Variants in CYYR1 observed in about 807,000 individuals in gnomAD.
CYYR1 encodes cysteine and tyrosine rich 1.
Under a neutral mutation model 15.2 loss-of-function variants are expected in CYYR1, and 14 were observed. The observed-to-expected ratio is 0.92, with a 90% CI of 0.61 to 1.44. The LOEUF (loss-of-function observed/expected upper bound fraction) is 1.44, where lower values mean the gene tolerates loss of function less well. Among genes scored for constraint, CYYR1 ranks in the 40% most tolerant of loss-of-function variants. The probability of loss-of-function intolerance (pLI) is 0.00; values close to 1 mark genes in which losing one functional copy is unlikely to be tolerated. For missense variants in CYYR1, 228 were observed against 209.5 expected (o/e 1.09, Z -0.54); for synonymous variants, 80 against 77.4 (o/e 1.03, Z -0.18).
chr21:26,565,945 CTGA>C (rs1426414369), intron 2 of CYYR1, among the ~76,000 whole-genome samples: 1 of 152,088 alleles, frequency 6.6e-6, no homozygotes, highest in Non-Finnish European at 1.5e-5. Context: ...AACCATATCA[CTGA>C]TGATGTTATA....
chr21:26,503,045 C>T (rs1008780036), intron 2 of CYYR1, among the ~76,000 whole-genome samples: 1 of 152,240 alleles, frequency 6.6e-6, no homozygotes, highest in East Asian at 1.9e-4. Context: ...GTAGATGGAA[C>T]TCATGGTGGC....
chr21:26,527,466 C>G (rs545763676), intron 2 of CYYR1, among the ~76,000 whole-genome samples: 1 of 151,860 alleles, frequency 6.6e-6, no homozygotes, highest in South Asian at 2.1e-4. Flanking sequence ...GGTTAGAAAG[C>G]CAACAAAAAA....
At chr21:26,470,976 T>C (rs1340474003) in intron 3 of CYYR1, 1 of 152,202 alleles carries the variant, frequency 6.6e-6, no homozygotes, top group Non-Finnish European at 1.5e-5. Context: ...GCTCTGTAAA[T>C]ACATCAGCGA....
intron 3 of CYYR1, among the ~76,000 whole-genome samples, chr21:26,474,053 T>G (rs1251942798): frequency 2.0e-5 from 3 of 150,038 alleles, no homozygotes; most frequent in Admixed American, 6.6e-5. Context: ...TTTTCGTTTT[T>G]TTTTTTTTTT....
chr21:26,520,115 TATATATA>T (rs2065784521), intron 2 of CYYR1, among the ~76,000 whole-genome samples: 1 of 40,484 alleles, frequency 2.5e-5, no homozygotes, highest in Non-Finnish European at 5.2e-5. Context: ...ACCCAGGAGA[TATATATA>T]TATATATATA....
In CYYR1 at chr21:26,500,442, G is replaced by A. The variant is rs116386348; in HGVS notation, c.177-20013C>T. On this transcript the variant is annotated intron_variant, in intron 2 of 3. Coordinates refer to ENST00000652641, the MANE Select transcript of CYYR1 (RefSeq NM_001320768.2). Reference sequence around the variant, plus strand: ...AGGAGAGTCTGAGTCTTTGTGGAGCGGATGATGGAAGGCCAGGAAGTGGTG... The same window carrying A: ...AGGAGAGTCTGAGTCTTTGTGGAGCAGATGATGGAAGGCCAGGAAGTGGTG... 3.9e-3 allele frequency among the ~76,000 whole-genome samples: 595 copies of A among 152,236 alleles called. 2 individuals are homozygous for A. The highest frequency in any genetic ancestry group is 0.013 in the African/African-American group (545 of 41,548).
At chr21:26,496,293 G>A (rs2065402747) in intron 2 of CYYR1, among the ~76,000 whole-genome samples, 1 of 152,162 alleles carries the variant, frequency 6.6e-6, no homozygotes, top group South Asian at 2.1e-4. Context: ...AATTGGGTTA[G>A]GAAGCCTAGG....
chr21:26,504,524 T>G (rs1453029477), intron 2 of CYYR1, among the ~76,000 whole-genome samples: 5 of 152,196 alleles, frequency 3.3e-5, no homozygotes, highest in Non-Finnish European at 7.3e-5. Context: ...TAAAAATTTT[T>G]TGTGAGTACA....
rs923993775 is a variant in CYYR1 at position 26,563,610 on chromosome 21, G to C, written c.176+2656C>G. On this transcript the variant is annotated intron_variant, in intron 2 of 3. Transcript: ENST00000652641. ...TAAATACAATAAATAAAAAAGGAGAGCAAACTGAAAAAAATAAGACTTTTC... is the reference window on the plus strand; with the variant it reads ...TAAATACAATAAATAAAAAAGGAGACCAAACTGAAAAAAATAAGACTTTTC... Among the ~76,000 whole-genome samples the C allele has an allele frequency of 2.5e-5, 3 of 121,986 alleles. No homozygotes were observed. In the Admixed American group the frequency reaches 2.6e-4, roughly 10 times the overall value. 80.0% of individuals were successfully genotyped at this position (121,986 alleles called of 152,430 possible).
At chr21:26,517,114 C>CA (rs61352955) in intron 2 of CYYR1, among the ~76,000 whole-genome samples, 2,090 of 46,654 alleles carry the variant, frequency 0.045, 376 homozygotes, top group East Asian at 0.13. Flanking sequence ...GACTCCGTCT[C>CA]AAAAAAAAAA....
In CYYR1 at chr21:26,573,065, C is replaced by A; in HGVS notation, c.-125G>T. ...GAGCCGGGTGGAGCAGAGACCCGGCCATTGCCTAGGGAGCCTTCCAAGGGA... is the reference window on the plus strand; with the variant it reads ...GAGCCGGGTGGAGCAGAGACCCGGCAATTGCCTAGGGAGCCTTCCAAGGGA... On this transcript the variant is annotated 5_prime_UTR_variant, in exon 1 of 4. It removes an upstream start codon present in the reference 5' UTR. Transcript: ENST00000652641. The A allele has an allele frequency of 1.9e-6, 3 of 1,562,904 alleles. No homozygotes were observed. The highest frequency in any genetic ancestry group is 2.6e-6 in the Non-Finnish European group (3 of 1,156,480).
intron 2 of CYYR1, among the ~76,000 whole-genome samples, chr21:26,540,317 G>A (rs188694644): frequency 2.0e-5 from 3 of 152,276 alleles, no homozygotes; most frequent in Non-Finnish European, 2.9e-5. Context: ...ACTGAGTAGC[G>A]TTCCATTGAT....
rs146767371 is a variant in CYYR1 at position 26,563,337 on chromosome 21, C to T, written c.176+2929G>A. ...CTTGCCTGTCAGCACTTTGGGAAGC[C>T]GAGGTGGGCAGATCACTTGAGGCCA... is the stretch of plus-strand genomic sequence containing the variant. On this transcript the variant is annotated intron_variant, in intron 2 of 3. Transcript: ENST00000652641. Among the ~76,000 whole-genome samples the T allele has an allele frequency of 6.5e-3, 994 of 151,858 alleles. 10 individuals carry two copies. The highest frequency in any genetic ancestry group is 0.023 in the African/African-American group (941 of 41,424).
At position 26,512,459 on chromosome 21, in the gene CYYR1, C is replaced by A. The variant is rs1362050058; in HGVS notation, c.177-32030G>T. Among the ~76,000 whole-genome samples, 11 of 152,076 alleles carry A rather than the reference C, an allele frequency of 7.2e-5. No individual in the cohort carries two copies. The South Asian group carries it at 1.9e-3, about 26-fold the overall frequency. ...CTCAAGTGATCCACCTGCCTTGGCC[C>A]CCAAAGTGCTGGGATCACAGCGTGA... On this transcript the variant is annotated intron_variant, in intron 2 of 3. Coordinates refer to ENST00000652641, the MANE Select transcript of CYYR1 (RefSeq NM_001320768.2).
intron 2 of CYYR1, among the ~76,000 whole-genome samples, chr21:26,544,275 G>A (rs1027015391): frequency 1.4e-4 from 21 of 152,086 alleles, no homozygotes; most frequent in African/African-American, 3.6e-4. Context: ...ACTTTTAGTC[G>A]TCAAAATCCT....
In CYYR1 at chr21:26,573,228, A is replaced by G. The variant is rs948839480; in HGVS notation, c.-288T>C. 4.0e-5 allele frequency: 56 copies of G among 1,406,904 alleles called. No individual in the cohort carries two copies. In the African/African-American group the frequency reaches 8.0e-4, roughly 20 times the overall value. 87.2% of individuals were successfully genotyped at this position (1,406,904 alleles called of 1,614,324 possible). A position where few individuals can be genotyped will look rare whatever the true frequency, so the allele number is the denominator to read the frequency against. On this transcript the variant is annotated 5_prime_UTR_variant, in exon 1 of 4. Transcript: ENST00000652641. ...GCGCTCAGGCGCGGGGAAGGCGGCC[A>G]CTCCGGCGTCCTTGGCCACCCAGGC... is the stretch of plus-strand genomic sequence containing the variant.
intron 2 of CYYR1, among the ~76,000 whole-genome samples, chr21:26,555,833 C>T (rs1041313158): frequency 1.3e-4 from 20 of 152,248 alleles, no homozygotes; most frequent in African/African-American, 4.8e-4. Flanking sequence ...ATTCTTCCAA[C>T]ATAATGGAAT....
At chr21:26,548,263 T>C (rs1313831526) in intron 2 of CYYR1, among the ~76,000 whole-genome samples, 1 of 152,254 alleles carries the variant, frequency 6.6e-6, no homozygotes, top group African/African-American at 2.4e-5. Context: ...TATGAAATGA[T>C]GGTTTGATTA....
chr21:26,570,073 T>C (rs1343727770), intron 1 of CYYR1, among the ~76,000 whole-genome samples: 1 of 152,244 alleles, frequency 6.6e-6, no homozygotes, highest in African/African-American at 2.4e-5. Context: ...GCCTTTTTTA[T>C]GTTGGTTGCT....
Sources: gnomAD v4.1 joint callset for allele counts (sites outside exome capture counted in the v4.1 genomes callset) on GRCh38, gnomAD v4.1.1 for gene constraint, MANE v1.5 for transcripts, NCBI Gene and HGNC (gene_info 2026-07-23, HGNC 2026-07-21) for gene names.